PIGN: variants seen among roughly 807,000 people sequenced by gnomAD.
The protein encoded by PIGN is phosphatidylinositol glycan anchor biosynthesis class N.
A neutral mutation model predicts 125.4 loss-of-function variants in PIGN; 117 were observed. That is an observed-to-expected ratio of 0.93 (90% CI 0.80 to 1.09). PIGN has a LOEUF of 1.09. Among genes scored for constraint, PIGN ranks in the 50% least tolerant of loss-of-function variants. The probability of loss-of-function intolerance (pLI) is 0.00; values close to 1 mark genes in which losing one functional copy is unlikely to be tolerated. For missense variants in PIGN, 1,075 were observed against 1,094.9 expected, an observed-to-expected ratio of 0.98 and a Z score of 0.26; for synonymous variants, 392 against 377.8, an observed-to-expected ratio of 1.04 and a Z score of -0.44.
In PIGN at chr18:62,045,846, T is replaced by C. The variant is rs770112796; in HGVS notation, c.*10A>G. ...TCAGGATCCAGATGCTGAATGGTGC[T>C]TCAGCAACCTCACATGAAGTGACTT... On this transcript the variant is annotated 3_prime_UTR_variant, in exon 31 of 31. Transcript: ENST00000640252. The C allele has an allele frequency of 6.2e-7, 1 of 1,613,418 alleles. No individual in the cohort carries two copies. The highest frequency in any genetic ancestry group is 2.2e-5 in the East Asian group (1 of 44,878).
intron 1 of PIGN, among the ~76,000 whole-genome samples, chr18:62,164,237 T>A (rs2037053056): frequency 6.6e-6 from 1 of 152,200 alleles, no homozygotes. Context: ...TATGGAAAAC[T>A]GAGGAAATAT....
Position 62,084,264 on chromosome 18 carries a change from T to C in PIGN, c.2502+267A>G, listed in dbSNP as rs776801879. Among the ~76,000 whole-genome samples, 16 of 152,224 alleles carry C rather than the reference T, an allele frequency of 1.1e-4. No homozygotes were observed. In the East Asian group the frequency reaches 1.5e-3, roughly 15 times the overall value. On this transcript the variant is annotated intron_variant, in intron 27 of 30. Transcript: ENST00000640252. Reference sequence around the variant, plus strand: ...TTTAGCAGCACTGCAGTTTGATCCATAGCTTCCCACAGGCTTTAATCACAT... The same window carrying C: ...TTTAGCAGCACTGCAGTTTGATCCACAGCTTCCCACAGGCTTTAATCACAT...
chr18:62,154,813 A>G (rs978845385), intron 6 of PIGN, among the ~76,000 whole-genome samples, 162 bp from the exon 7 acceptor site: 4 of 152,182 alleles, frequency 2.6e-5, no homozygotes, highest in African/African-American at 9.7e-5. Context: ...ATTAACATTT[A>G]TTTATGTTAT....
chr18:62,045,391 T>G lies in PIGN; in HGVS notation c.*465A>C, dbSNP rs1170127303. ...AGCTCTTGAAATAATACACCCTGAC[T>G]GTCTAACAAAACCAGTGCTGAAAGC... On this transcript the variant is annotated 3_prime_UTR_variant, in exon 31 of 31. Coordinates refer to ENST00000640252, the MANE Select transcript of PIGN (RefSeq NM_176787.5). The G allele has an allele frequency of 6.5e-6, 1 of 152,788 alleles. No individual in the cohort carries two copies. Among genetic ancestry groups the G allele is most frequent in the East Asian group, 1.9e-4 (1 of 5,206 alleles). The allele number at this position is 152,788 out of a possible 1,614,324, so 9.5% of individuals were successfully genotyped here. A position where few individuals can be genotyped will look rare whatever the true frequency, so the allele number is the denominator to read the frequency against.
chr18:62,166,721 C>T (rs2037148262), intron 1 of PIGN, among the ~76,000 whole-genome samples: 1 of 152,034 alleles, frequency 6.6e-6, no homozygotes, highest in African/African-American at 2.4e-5. Context: ...TATTATGCAG[C>T]CATAAAAAAG....
At chr18:62,103,759 G>C (rs1325591960) in intron 20 of PIGN, 1 of 152,180 alleles carries the variant, frequency 6.6e-6, no homozygotes, top group African/African-American at 2.4e-5. Context: ...AAAAATGCTT[G>C]ATGGTTGGTT....
chr18:62,140,451 A>G lies in PIGN; in HGVS notation c.992T>C (p.Leu331Pro). 6.4e-7 allele frequency: 1 copy of G among 1,557,468 alleles called. No individual in the cohort carries two copies. The highest frequency in any genetic ancestry group is 8.8e-7 in the Non-Finnish European group (1 of 1,139,120). Residue 331 changes from leucine to proline, a missense_variant, in exon 12 of 31, where the codon CTT becomes CCT. This residue lies in a region of PIGN where 915 missense variants were observed against 908.7 expected (regional missense o/e 1.01). Transcript: ENST00000640252. The part of the protein sequence containing the change: ...QADIAPLMTS[L>P]IGVPFPLNSV... Reference sequence around the variant, plus strand: ...GTTAAGAGGAAAGGGAACTCCAATAAGGGAAGTCATCAATGGTGCAATATC... The same window carrying G: ...GTTAAGAGGAAAGGGAACTCCAATAGGGGAAGTCATCAATGGTGCAATATC...
At chr18:62,070,812 A>AT (rs1028296149) in intron 30 of PIGN, among the ~76,000 whole-genome samples, 6 of 147,668 alleles carry the variant, frequency 4.1e-5, no homozygotes, top group East Asian at 1.9e-4. Flanking sequence ...TAATTAATTA[A>AT]TTTTTTTTTG....
At chr18:62,029,670 G>C (rs1184431396) in intron 23 of PIGN, among the ~76,000 whole-genome samples, 1 of 152,178 alleles carries the variant, frequency 6.6e-6, no homozygotes, top group African/African-American at 2.4e-5. Flanking sequence ...CATAAGTGGG[G>C]AGGCGGAGGG....
chr18:62,125,203 TATATAA>T (rs1237141847), intron 14 of PIGN, among the ~76,000 whole-genome samples: 1 of 150,948 alleles, frequency 6.6e-6, no homozygotes, highest in Non-Finnish European at 1.5e-5. Context: ...TACATATGTG[TATATAA>T]ATATACACGT....
intron 14 of PIGN, among the ~76,000 whole-genome samples, chr18:62,132,702 T>G (rs1038602099): frequency 1.3e-5 from 2 of 152,144 alleles, no homozygotes; most frequent in Admixed American, 1.3e-4. Flanking sequence ...TAAAATAAAA[T>G]TCTGATTATG....
chr18:62,113,198 TAAG>T lies in PIGN; in HGVS notation c.1367_1369del (p.Ser456del). The T allele has an allele frequency of 6.2e-7, 1 of 1,612,956 alleles. No individual in the cohort carries two copies. The highest frequency in any genetic ancestry group is 8.5e-7 in the Non-Finnish European group (1 of 1,179,396). On this transcript the variant is annotated inframe_deletion, in exon 16 of 31. Transcript: ENST00000640252. ...AGACTTGATGATCAACAAAGAGGCA[TAAG>T]ATATCCATCCCACAAAACCAATAAC...
intron 30 of PIGN, among the ~76,000 whole-genome samples, chr18:62,047,710 G>T (rs571922350): frequency 6.6e-6 from 1 of 152,254 alleles, no homozygotes; most frequent in East Asian, 1.9e-4. Flanking sequence ...AATGTCAGAA[G>T]CCAGTTAAAA....
intron 14 of PIGN, among the ~76,000 whole-genome samples, chr18:62,126,378 T>C (rs1290379807): frequency 6.6e-6 from 1 of 152,110 alleles, no homozygotes; most frequent in African/African-American, 2.4e-5. Context: ...TTTTCTAAAA[T>C]TTTACCACAG....
At chr18:62,069,532 C>T (rs994256051) in intron 30 of PIGN, 1 of 152,200 alleles carries the variant, frequency 6.6e-6, no homozygotes, top group Non-Finnish European at 1.5e-5. Flanking sequence ...AAAATTCTGA[C>T]ACATGCTACA....
chr18:62,018,469 T>C (rs2030009595), intron 23 of PIGN, among the ~76,000 whole-genome samples: 1 of 152,220 alleles, frequency 6.6e-6, no homozygotes, highest in African/African-American at 2.4e-5. Flanking sequence ...AACACATGCT[T>C]AGCAGCCAGG....
Position 62,085,207 on chromosome 18 carries a change from A to G in PIGN, c.2426+2T>C, listed in dbSNP as rs769076600. On this transcript the variant is annotated splice_donor_variant, in intron 26 of 30. Transcript: ENST00000640252. LOFTEE classifies it high-confidence loss of function. ...ATATATGCCACTTTCATTTAAAATTACCTGTTAATAGAAGCTATATTTCCA... is the reference window on the plus strand; with the variant it reads ...ATATATGCCACTTTCATTTAAAATTGCCTGTTAATAGAAGCTATATTTCCA... 6.7e-7 allele frequency: 1 copy of G among 1,486,580 alleles called. No homozygotes were observed. Among genetic ancestry groups the G allele is most frequent in the South Asian group, 1.2e-5 (1 of 81,294 alleles). 92.1% of individuals were successfully genotyped at this position (1,486,580 alleles called of 1,614,324 possible).
At position 62,045,187 on chromosome 18, in the gene PIGN, G is replaced by A. The variant is rs1176330864; in HGVS notation, c.*669C>T. 3 of 151,454 alleles carry A rather than the reference G, an allele frequency of 2.0e-5. No homozygotes were observed. The highest frequency in any genetic ancestry group is 3.9e-4 in the East Asian group (2 of 5,152). 9.4% of individuals were successfully genotyped at this position (151,454 alleles called of 1,614,324 possible). A position where few individuals can be genotyped will look rare whatever the true frequency, so the allele number is the denominator to read the frequency against. Reference sequence around the variant, plus strand: ...AATACCAAGCACTTTCTACTTTTGTGTTGTCAGAAATCCCAGGAAAATCCA... The same window carrying A: ...AATACCAAGCACTTTCTACTTTTGTATTGTCAGAAATCCCAGGAAAATCCA... On this transcript the variant is annotated 3_prime_UTR_variant, in exon 31 of 31. Coordinates refer to ENST00000640252, the MANE Select transcript of PIGN (RefSeq NM_176787.5).
intron 28 of PIGN, among the ~76,000 whole-genome samples, chr18:62,076,452 T>C (rs2033176649): frequency 6.6e-6 from 1 of 152,178 alleles, no homozygotes; most frequent in East Asian, 1.9e-4. Flanking sequence ...GTAACCTATG[T>C]TCTCTTCCTC....
Sources: allele counts gnomAD v4.1 joint callset (sites outside exome capture counted in the v4.1 genomes callset), GRCh38; gene constraint gnomAD v4.1.1; regional missense constraint gnomAD v4.1.1; transcripts MANE v1.5; gene names NCBI Gene and HGNC (gene_info 2026-07-23, HGNC 2026-07-21).